The following PLEKHG1 variants were observed in gnomAD, a reference collection of about 807,000 sequenced individuals.
PLEKHG1 encodes pleckstrin homology domain-containing family G member 1.
PLEKHG1 carries 44 observed loss-of-function variants against 100.8 expected under a neutral mutation model. The ratio of observed to expected loss-of-function variants is 0.44; its 90% confidence interval spans 0.34 to 0.56. PLEKHG1 has a LOEUF of 0.56. Ranked by LOEUF, PLEKHG1 falls within the 20% of genes least tolerant of loss-of-function variation. The pLI, the probability that PLEKHG1 is intolerant of heterozygous loss-of-function variation, is 0.01. For missense variants in PLEKHG1, 1,545 were observed against 1,720.9 expected (o/e 0.90, Z 1.81); for synonymous variants, 640 against 662.5 (o/e 0.97, Z 0.52).
chr6:150,733,854 C>A, exon 2 of PLEKHG1: 1 of 1,614,214 alleles, frequency 6.2e-7, no homozygotes, highest in Admixed American at 1.7e-5. Context: ...GAGCTGATTC[C>A]TGCCAGGCCG....
intron 3 of PLEKHG1, among the ~76,000 whole-genome samples, chr6:150,690,433 T>G (rs1166391385): frequency 1.3e-5 from 2 of 152,194 alleles, no homozygotes; most frequent in East Asian, 3.8e-4. Flanking sequence ...TCAAGAAGGC[T>G]TTTCATACCT....
At chr6:150,629,260 C>T (rs1203642751) in intron 1 of PLEKHG1, among the ~76,000 whole-genome samples, 1 of 152,126 alleles carries the variant, frequency 6.6e-6, no homozygotes, top group Non-Finnish European at 1.5e-5. Flanking sequence ...TTCGGATATA[C>T]CCTAAAGAAA....
chr6:150,783,446 T>G (rs939454339), intron 3 of PLEKHG1, among the ~76,000 whole-genome samples: 1 of 151,918 alleles, frequency 6.6e-6, no homozygotes, highest in Non-Finnish European at 1.5e-5. Context: ...CTCGGCTCAC[T>G]GCAATCTCTG....
intron 2 of PLEKHG1, among the ~76,000 whole-genome samples, chr6:150,758,051 G>C (rs74837440): frequency 0.013 from 2,019 of 152,214 alleles, 42 homozygotes; most frequent in African/African-American, 0.046. Context: ...TGGTGTATAC[G>C]TACCACATTT....
intron 3 of PLEKHG1, among the ~76,000 whole-genome samples, chr6:150,671,478 C>G (rs1779579542): frequency 6.6e-6 from 1 of 152,172 alleles, no homozygotes; most frequent in Admixed American, 6.5e-5. Flanking sequence ...GAACCAGTGC[C>G]CCAGACTGTT....
chr6:150,668,177 C>G (rs1177129182), intron 3 of PLEKHG1, among the ~76,000 whole-genome samples: 2 of 152,174 alleles, frequency 1.3e-5, no homozygotes, highest in East Asian at 3.9e-4. Flanking sequence ...CTCACTGTTG[C>G]TTGTGCTTGC....
chr6:150,804,523 G>A lies in PLEKHG1; in HGVS notation c.781-87G>A, dbSNP rs1317167704. 1.3e-5 allele frequency: 14 copies of A among 1,074,286 alleles called. 1 individual carries two copies. In the Middle Eastern group the frequency reaches 6.7e-4, roughly 52 times the overall value. The allele number at this position is 1,074,286 out of a possible 1,614,324, so 66.5% of individuals were successfully genotyped here. On this transcript the variant is annotated intron_variant, in intron 6 of 15. Transcript: ENST00000358517. The stretch of plus-strand genomic sequence containing the variant: ...TAAATAAGCAAAAATAAAATATAAG[G>A]AACTAATCATAGCGGTGCCATTTGT...
At chr6:150,784,581 A>G (rs943640654) in intron 3 of PLEKHG1, among the ~76,000 whole-genome samples, 6 of 152,328 alleles carry the variant, frequency 3.9e-5, no homozygotes, top group African/African-American at 9.6e-5. Flanking sequence ...AGCAAAGGCT[A>G]TCATTAGGAT....
At chr6:150,605,120 T>C (rs1776540305) in intron 1 of PLEKHG1, among the ~76,000 whole-genome samples, 1 of 152,238 alleles carries the variant, frequency 6.6e-6, no homozygotes. Context: ...CAGGAGTTTA[T>C]AAATGAAGCA....
At chr6:150,616,703 A>C (rs965896320) in intron 1 of PLEKHG1, among the ~76,000 whole-genome samples, 2 of 152,226 alleles carry the variant, frequency 1.3e-5, no homozygotes, top group African/African-American at 4.8e-5. Context: ...GGAAACGTCT[A>C]AAGATGTGAG....
At chr6:150,640,290 G>C (rs565529019) in intron 2 of PLEKHG1, among the ~76,000 whole-genome samples, 4 of 152,312 alleles carry the variant, frequency 2.6e-5, no homozygotes, top group African/African-American at 7.2e-5. Flanking sequence ...AAATGCGCAG[G>C]CTTGCCCAAC....
intron 14 of PLEKHG1, chr6:150,828,233 CAA>C: frequency 6.2e-7 from 1 of 1,613,754 alleles, no homozygotes; most frequent in Non-Finnish European, 8.5e-7. Flanking sequence ...ATGAACCTGA[CAA>C]GAGATGAGTT....
At chr6:150,827,357 A>C (rs1265989269) in intron 14 of PLEKHG1, among the ~76,000 whole-genome samples, 1 of 150,214 alleles carries the variant, frequency 6.7e-6, no homozygotes, top group African/African-American at 2.5e-5. Flanking sequence ...GGCTCACTGC[A>C]ACCTCCGCCT....
chr6:150,790,490 G>A (rs1317442871), intron 4 of PLEKHG1, among the ~76,000 whole-genome samples: 1 of 152,164 alleles, frequency 6.6e-6, no homozygotes, highest in East Asian at 1.9e-4. Flanking sequence ...CAGCCCCTAT[G>A]GAGAGGAATT....
At chr6:150,774,728 C>T (rs546683825) in intron 3 of PLEKHG1, among the ~76,000 whole-genome samples, 45 of 151,490 alleles carry the variant, frequency 3.0e-4, no homozygotes, top group East Asian at 9.7e-4. Context: ...TTTGTAGAGA[C>T]GGGGTTTCAC....
chr6:150,795,847 T>G lies in PLEKHG1; in HGVS notation c.583-9T>G, dbSNP rs1481872782. 3.2e-6 allele frequency: 5 copies of G among 1,584,934 alleles called. No individual in the cohort carries two copies. Among genetic ancestry groups the G allele is most frequent in the Middle Eastern group, 1.7e-4 (1 of 6,032 alleles). On this transcript the variant is annotated splice_polypyrimidine_tract_variant and intron_variant, in intron 4 of 15. Coordinates refer to ENST00000358517, the Ensembl canonical transcript of PLEKHG1. ...GTTGCCTATAAAAATTTCTTTTGTT[T>G]CCTTGCAGAGTGAAGAGTTCCACAT... is the stretch of plus-strand genomic sequence containing the variant.
intron 1 of PLEKHG1, among the ~76,000 whole-genome samples, chr6:150,626,800 CTG>C (rs754110737): frequency 7.2e-5 from 11 of 152,088 alleles, no homozygotes; most frequent in African/African-American, 9.6e-5. Flanking sequence ...GCATACCACA[CTG>C]TGTGTGTGTA....
chr6:150,804,175 ATTTTTTTTTT>A (rs1554276244), intron 6 of PLEKHG1, among the ~76,000 whole-genome samples: 1 of 43,174 alleles, frequency 2.3e-5, no homozygotes, highest in Non-Finnish European at 3.9e-5. Context: ...ATATATATAT[ATTTTTTTTTT>A]TTTTTTTTTT....
rs560520472 is a variant in PLEKHG1 at position 150,715,825 on chromosome 6, G to A, written c.-98-17759G>A. 1.9e-4 allele frequency among the ~76,000 whole-genome samples: 28 copies of A among 149,308 alleles called. 1 individual carries two copies. The South Asian group carries it at 5.3e-3, about 28-fold the overall frequency. ...TCATGTGCTCATAGAAAATGTGGCC[G>A]CGGCCGGGCGCGGTGGCTCACGCCT... is the stretch of plus-strand genomic sequence containing the variant. On this transcript the variant is annotated intron_variant, in intron 3 of 3. Coordinates refer to the PLEKHG1 transcript ENST00000367326.
Sources: gnomAD v4.1 joint callset for allele counts (sites outside exome capture counted in the v4.1 genomes callset) on GRCh38, gnomAD v4.1.1 for gene constraint, MANE v1.5 for transcripts, NCBI Gene and HGNC (gene_info 2026-07-23, HGNC 2026-07-21) for gene names.